Variants in PAX3 observed in about 807,000 individuals in gnomAD.
The protein encoded by PAX3 is paired box 3.
Under a neutral mutation model 51.6 loss-of-function variants are expected in PAX3, and 14 were observed. That is an observed-to-expected ratio of 0.27 (90% CI 0.18 to 0.42). The LOEUF (loss-of-function observed/expected upper bound fraction) is 0.42. Among genes scored for constraint, PAX3 ranks in the 10% least tolerant of loss-of-function variants. The probability of loss-of-function intolerance (pLI) is 1.00; values close to 1 mark genes in which losing one functional copy is unlikely to be tolerated. For missense variants in PAX3, 540 were observed against 642.8 expected, an observed-to-expected ratio of 0.84 and a Z score of 1.73; for synonymous variants, 280 against 253.4, an observed-to-expected ratio of 1.11 and a Z score of -1.00.
intron 7 of PAX3, among the ~76,000 whole-genome samples, chr2:222,208,954 AT>A (rs966899090): frequency 7.2e-5 from 11 of 152,242 alleles, no homozygotes; most frequent in African/African-American, 2.4e-4. Flanking sequence ...CCATTCATAA[AT>A]GCAAATCTTA....
At chr2:222,257,303 G>A (rs1186022545) in intron 4 of PAX3, among the ~76,000 whole-genome samples, 2 of 151,838 alleles carry the variant, frequency 1.3e-5, no homozygotes, top group African/African-American at 4.8e-5. Flanking sequence ...AATTCAAGAT[G>A]TATGTTGTTT....
At chr2:222,252,091 G>A (rs1212161497) in intron 4 of PAX3, among the ~76,000 whole-genome samples, 1 of 152,110 alleles carries the variant, frequency 6.6e-6, no homozygotes, top group African/African-American at 2.4e-5. Context: ...AAAAAGAAGA[G>A]TAACATTGAC....
At chr2:222,222,567 C>T (rs577432770) in intron 5 of PAX3, among the ~76,000 whole-genome samples, 16 of 152,246 alleles carry the variant, frequency 1.1e-4, no homozygotes, top group African/African-American at 3.9e-4. Flanking sequence ...CCATGCCCAG[C>T]TAATTTTTGT....
chr2:222,201,498 G>A, intron 8 of PAX3, 56 bp from the exon 9 acceptor site: 1 of 1,602,526 alleles, frequency 6.2e-7, no homozygotes, highest in South Asian at 1.1e-5. Context: ...CACAGTCAGG[G>A]GCAAGATCAG....
At chr2:222,242,659 C>T (rs1204295459) in intron 4 of PAX3, 1 of 152,156 alleles carries the variant, frequency 6.6e-6, no homozygotes, top group Non-Finnish European at 1.5e-5. Context: ...CTTCTTGATC[C>T]ACTGAGCTAG....
intron 7 of PAX3, among the ~76,000 whole-genome samples, chr2:222,207,468 C>A (rs74749886): frequency 6.6e-6 from 1 of 152,112 alleles, no homozygotes; most frequent in Non-Finnish European, 1.5e-5. Context: ...GATAGAAAAC[C>A]TGTGCATGTT....
chr2:222,230,339 A>G (rs1267547978), intron 5 of PAX3, among the ~76,000 whole-genome samples: 1 of 148,864 alleles, frequency 6.7e-6, no homozygotes, highest in Non-Finnish European at 1.5e-5. Flanking sequence ...GCATGTTCTC[A>G]CTCATGAGTG....
At chr2:222,211,586 A>C (rs567307901) in intron 7 of PAX3, among the ~76,000 whole-genome samples, 1 of 152,190 alleles carries the variant, frequency 6.6e-6, no homozygotes, top group Admixed American at 6.5e-5. Flanking sequence ...TCAGACATTA[A>C]TTAGAAAAAA....
chr2:222,294,428 G>A, intron 3 of PAX3, 127 bp from the exon 4 acceptor site: 2 of 985,306 alleles, frequency 2.0e-6, no homozygotes, highest in Non-Finnish European at 3.1e-6. Flanking sequence ...CACTGCTCGC[G>A]GGTGTCTCCT....
chr2:222,241,741 G>A (rs536073699), intron 4 of PAX3, among the ~76,000 whole-genome samples: 23 of 152,326 alleles, frequency 1.5e-4, no homozygotes, highest in Non-Finnish European at 2.4e-4. Context: ...GTGACAACTC[G>A]TAGATATTCA....
At chr2:222,231,554 C>A (rs1692596410) in intron 5 of PAX3, among the ~76,000 whole-genome samples, 3 of 152,224 alleles carry the variant, frequency 2.0e-5, no homozygotes, top group Non-Finnish European at 4.4e-5. Flanking sequence ...CACCTTTGCA[C>A]ATTTTCATAA....
chr2:222,256,059 A>G (rs1423457493), intron 4 of PAX3, among the ~76,000 whole-genome samples: 1 of 150,596 alleles, frequency 6.6e-6, no homozygotes, highest in Non-Finnish European at 1.5e-5. Flanking sequence ...GTGAGCCACC[A>G]CGCCCAGCCC....
chr2:222,216,723 C>G (rs377172202), intron 7 of PAX3, among the ~76,000 whole-genome samples: 1,708 of 149,228 alleles, frequency 0.011, 21 homozygotes, highest in African/African-American at 0.029. Context: ...CACACACACA[C>G]ACAGAGAGAG....
chr2:222,202,133 C>T lies in PAX3; in HGVS notation c.1231G>A (p.Ala411Thr), dbSNP rs549206921. 106 of 1,612,388 alleles carry T rather than the reference C, an allele frequency of 6.6e-5. No individual in the cohort carries two copies. Among genetic ancestry groups the T allele is most frequent in the Non-Finnish European group, 7.8e-5 (92 of 1,179,246 alleles). ...AGACCCCCGGTGAGAGGGGAGAGCG[C>T]GTAATCAGTCTGGGGCTGATGAGGT... ...GVPHQPQTDY[A>T]LSPLTGGLEP... Residue 411 changes from alanine to threonine, a missense_variant, in exon 8 of 9, where the codon GCG becomes ACG. Ala to Thr is a moderately conservative substitution (Grantham distance 58). Around this residue, in one of 3 missense-constraint regions of PAX3, gnomAD observed 427 missense variants for 483.6 expected, o/e 0.88. Transcript: ENST00000392070.
intron 4 of PAX3, among the ~76,000 whole-genome samples, chr2:222,293,230 T>C (rs1311731060): frequency 6.6e-6 from 1 of 152,186 alleles, no homozygotes; most frequent in South Asian, 2.1e-4. Flanking sequence ...TTTGTGCATT[T>C]GAAGAGGGGC....
At chr2:222,223,226 G>T (rs923904329) in intron 5 of PAX3, among the ~76,000 whole-genome samples, 1 of 152,158 alleles carries the variant, frequency 6.6e-6, no homozygotes, top group African/African-American at 2.4e-5. Flanking sequence ...TCTCGCCATT[G>T]TTGCAAGATA....
At chr2:222,232,029 T>C (rs1414448043) in intron 5 of PAX3, 49 bp downstream of exon 5, 1 of 1,547,244 alleles carries the variant, frequency 6.5e-7, no homozygotes, top group South Asian at 1.1e-5. Flanking sequence ...GATGCTTGTT[T>C]GTTTCCTGTC....
At chr2:222,286,346 A>C (rs982717870) in intron 4 of PAX3, among the ~76,000 whole-genome samples, 1 of 152,260 alleles carries the variant, frequency 6.6e-6, no homozygotes, top group African/African-American at 2.4e-5. Flanking sequence ...GATACAGTAA[A>C]TATGGCCAAA....
intron 4 of PAX3, among the ~76,000 whole-genome samples, chr2:222,249,485 TC>T (rs1302873481): frequency 2.0e-5 from 3 of 152,218 alleles, no homozygotes; most frequent in Admixed American, 6.5e-5. Context: ...GAGGTTTTTT[TC>T]TTCTCCCGTT....
Sources: allele counts gnomAD v4.1 joint callset (sites outside exome capture counted in the v4.1 genomes callset), GRCh38; gene constraint gnomAD v4.1.1; regional missense constraint gnomAD v4.1.1; transcripts MANE v1.5; gene names NCBI Gene and HGNC (gene_info 2026-07-23, HGNC 2026-07-21).